AKAP13: variants seen among roughly 807,000 people sequenced by gnomAD.
AKAP13 encodes A-kinase anchoring protein 13.
A neutral mutation model predicts 264.5 loss-of-function variants in AKAP13; 80 were observed. The observed-to-expected ratio is 0.30, with a 90% CI of 0.25 to 0.36. AKAP13 has a LOEUF of 0.36. Among genes scored for constraint, AKAP13 ranks in the 10% least tolerant of loss-of-function variants. AKAP13 has a pLI of 1.00. For synonymous variants in AKAP13, 1,380 were observed against 1,250.2 expected (o/e 1.10, Z -2.19); for missense variants, 3,712 against 3,435.2 (o/e 1.08, Z -2.01).
intron 14 of AKAP13, 71 bp from the exon 15 acceptor site, chr15:85,682,086 AT>A: frequency 7.1e-7 from 1 of 1,409,842 alleles, no homozygotes; most frequent in Non-Finnish European, 1.0e-6. Context: ...GTCATTGTGA[AT>A]TTATAAATAT....
At chr15:85,406,126 A>G (rs1436098214) in intron 1 of AKAP13, among the ~76,000 whole-genome samples, 2 of 152,238 alleles carry the variant, frequency 1.3e-5, no homozygotes, top group Admixed American at 6.5e-5. Context: ...TGCTGGGATT[A>G]TAGGTGTAAG....
intron 23 of AKAP13, among the ~76,000 whole-genome samples, chr15:85,721,611 A>G (rs2087289348): frequency 6.6e-6 from 1 of 152,210 alleles, no homozygotes; most frequent in African/African-American, 2.4e-5. Flanking sequence ...TCAAGGTCAG[A>G]TATTTAAGAT....
intron 5 of AKAP13, among the ~76,000 whole-genome samples, chr15:85,548,032 A>G (rs923074527): frequency 3.3e-5 from 5 of 152,166 alleles, no homozygotes; most frequent in Non-Finnish European, 5.9e-5. Flanking sequence ...GTGGCATTGT[A>G]GTTATCTAAG....
At chr15:85,627,173 G>A (rs550939875) in intron 8 of AKAP13, among the ~76,000 whole-genome samples, 5 of 152,160 alleles carry the variant, frequency 3.3e-5, no homozygotes, top group South Asian at 2.1e-4. Flanking sequence ...GTTATCTCAA[G>A]AACAAATGAA....
At position 85,656,046 on chromosome 15, in the gene AKAP13, A is replaced by G. The variant is rs114959704; in HGVS notation, c.4745+259A>G. Reference sequence around the variant, plus strand: ...TACCTTCATTATTATTTTTAATAATACAATGAAATGTGATTGTCATATAAT... The same window carrying G: ...TACCTTCATTATTATTTTTAATAATGCAATGAAATGTGATTGTCATATAAT... On this transcript the variant is annotated intron_variant, in intron 11 of 36. Transcript: ENST00000394518. Among the ~76,000 whole-genome samples the G allele has an allele frequency of 9.1e-3, 1,390 of 152,342 alleles. 22 individuals carry two copies. The highest frequency in any genetic ancestry group is 0.029 in the African/African-American group (1,188 of 41,564).
At chr15:85,442,409 CAAA>C (rs756585021) in intron 1 of AKAP13, among the ~76,000 whole-genome samples, 163 of 52,678 alleles carry the variant, frequency 3.1e-3, no homozygotes, top group South Asian at 0.017. Context: ...GATTCTGTCT[CAAA>C]AAAAAAAAAA....
At chr15:85,400,559 C>T (rs2071373511) in intron 1 of AKAP13, among the ~76,000 whole-genome samples, 1 of 152,186 alleles carries the variant, frequency 6.6e-6, no homozygotes, top group African/African-American at 2.4e-5. Flanking sequence ...GTGTTCTTGA[C>T]TTTAATGTAG....
intron 4 of AKAP13, 96 bp downstream of exon 4, chr15:85,533,976 T>G: frequency 7.6e-7 from 1 of 1,310,734 alleles, no homozygotes. Flanking sequence ...CATATTCAGG[T>G]CTTCCACAGA....
chr15:85,486,005 T>C (rs759693085), intron 2 of AKAP13, among the ~76,000 whole-genome samples: 62 of 152,374 alleles, frequency 4.1e-4, no homozygotes, highest in Non-Finnish European at 5.7e-4. Flanking sequence ...ATAGTATGCA[T>C]GTATGAAACA....
At position 85,655,448 on chromosome 15, in the gene AKAP13, C is replaced by G. The variant is rs1339406451; in HGVS notation, c.4406C>G (p.Thr1469Ser). The change falls in exon 11 of 37, where the codon ACC (threonine) becomes AGC (serine). Residue 1469 changes from threonine (T) to serine (S), a missense_variant. Transcript: ENST00000394518. ...GAAGAGCATTTGGCCTGTGATATCACCGGATCCAGTTCATCCACCGATGAC... is the reference window on the plus strand; with the variant it reads ...GAAGAGCATTTGGCCTGTGATATCAGCGGATCCAGTTCATCCACCGATGAC... ...PEEEHLACDI[T>S]GSSSSTDDTA... 9 of 1,614,128 alleles carry G rather than the reference C, an allele frequency of 5.6e-6. No individual in the cohort carries two copies. The highest frequency in any genetic ancestry group is 1.7e-4 in the Middle Eastern group (1 of 6,060).
chr15:85,474,204 C>T (rs1396985234), intron 1 of AKAP13, among the ~76,000 whole-genome samples: 2 of 152,216 alleles, frequency 1.3e-5, no homozygotes, highest in Non-Finnish European at 2.9e-5. Context: ...GTTCTCAGCT[C>T]TTCCTCCAAG....
chr15:85,690,114 T>C (rs941453676), intron 16 of AKAP13: 1 of 152,278 alleles, frequency 6.6e-6, no homozygotes, highest in Non-Finnish European at 1.5e-5. Flanking sequence ...GGTAAGAGCC[T>C]GACTTCTTTA....
At chr15:85,606,518 G>T (rs777600729) in intron 8 of AKAP13, among the ~76,000 whole-genome samples, 2 of 152,212 alleles carry the variant, frequency 1.3e-5, no homozygotes, top group Non-Finnish European at 2.9e-5. Context: ...AGAAACAGGA[G>T]ATGTCTTGTT....
intron 5 of AKAP13, among the ~76,000 whole-genome samples, chr15:85,561,818 AC>A (rs1199199518): frequency 6.6e-6 from 1 of 152,214 alleles, no homozygotes; most frequent in African/African-American, 2.4e-5. Flanking sequence ...ATGACCATAG[AC>A]GCCATGGACT....
At position 85,579,729 on chromosome 15, in the gene AKAP13, C is replaced by T; in HGVS notation, c.1661C>T (p.Ala554Val). Reference sequence around the variant, plus strand: ...AACAAACCTGCTGAGTCTTCACTTGCATTTAGTAATGAAGAAACCTCCACT... The same window carrying T: ...AACAAACCTGCTGAGTCTTCACTTGTATTTAGTAATGAAGAAACCTCCACT... ...DGNKPAESSLAFSNEETSTEK... is the reference protein window; with the variant it reads ...DGNKPAESSLVFSNEETSTEK... The change falls in exon 7 of 37, where the codon GCA becomes GTA. Residue 554 changes from alanine (A) to valine (V), a missense_variant. Physicochemically the swap from Ala to Val is moderately conservative, Grantham distance 64. This residue lies in a region of AKAP13 where 2,759 missense variants were observed against 2,411.7 expected (regional missense o/e 1.14). Transcript: ENST00000394518. The T allele has an allele frequency of 6.2e-7, 1 of 1,614,194 alleles. No individual in the cohort carries two copies. The highest frequency in any genetic ancestry group is 8.5e-7 in the Non-Finnish European group (1 of 1,180,022).
At chr15:85,545,730 C>G (rs925803108) in intron 5 of AKAP13, among the ~76,000 whole-genome samples, 1 of 152,204 alleles carries the variant, frequency 6.6e-6, no homozygotes, top group Non-Finnish European at 1.5e-5. Context: ...CCAAATCACT[C>G]AGTGTGAGAG....
chr15:85,703,869 T>TAC (rs2086077490), intron 17 of AKAP13, among the ~76,000 whole-genome samples: 1 of 150,278 alleles, frequency 6.7e-6, no homozygotes, highest in Non-Finnish European at 1.5e-5. Context: ...TATATATATA[T>TAC]ATACACACAC....
In AKAP13 at chr15:85,645,921, C is replaced by G; in HGVS notation, c.4341C>G (p.Pro1447=). Residue 1447 remains proline (P), a synonymous_variant, in exon 10 of 37, where the codon CCC becomes CCG. Coordinates refer to ENST00000394518, the MANE Select transcript of AKAP13 (RefSeq NM_007200.5). The part of the protein sequence containing the change: ...SGSDSDLFHS[P]SDDMDSIIFP... Reference sequence around the variant, plus strand: ...GTGATTCTGACCTCTTTCACTCACCCAGTGATGACATGGACAGCATCATCT... The same window carrying G: ...GTGATTCTGACCTCTTTCACTCACCGAGTGATGACATGGACAGCATCATCT... 6.2e-7 allele frequency: 1 copy of G among 1,613,752 alleles called. No individual in the cohort carries two copies. Among genetic ancestry groups the G allele is most frequent in the Non-Finnish European group, 8.5e-7 (1 of 1,179,966 alleles).
intron 8 of AKAP13, among the ~76,000 whole-genome samples, chr15:85,620,828 C>T (rs1596752319): frequency 6.6e-6 from 1 of 152,056 alleles, no homozygotes. Context: ...AGGATGAGGG[C>T]GGAGACTCTG....
Sources: allele counts gnomAD v4.1 joint callset (sites outside exome capture counted in the v4.1 genomes callset), GRCh38; gene constraint gnomAD v4.1.1; regional missense constraint gnomAD v4.1.1; transcripts MANE v1.5; gene names NCBI Gene and HGNC (gene_info 2026-07-23, HGNC 2026-07-21).